CDC42BPA: variants seen among roughly 807,000 people sequenced by gnomAD.
The protein encoded by CDC42BPA is serine/threonine-protein kinase MRCK alpha.
Under a neutral mutation model 223.5 loss-of-function variants are expected in CDC42BPA, and 80 were observed. That is an observed-to-expected ratio of 0.36 (90% CI 0.30 to 0.43). The LOEUF (loss-of-function observed/expected upper bound fraction) is 0.43, where lower values mean the gene tolerates loss of function less well. CDC42BPA is among the 20% of genes least tolerant of loss of function. The pLI is 1.00. For missense variants in CDC42BPA, 1,743 were observed against 2,099.9 expected (o/e 0.83, Z 3.32); for synonymous variants, 694 against 718.6 (o/e 0.97, Z 0.55).
At chr1:227,103,522 G>T (rs1323680699) in intron 14 of CDC42BPA, among the ~76,000 whole-genome samples, 1 of 151,974 alleles carries the variant, frequency 6.6e-6, no homozygotes, top group Non-Finnish European at 1.5e-5. Flanking sequence ...AGATAGAAGG[G>T]CATGGAGACA....
At chr1:227,222,260 G>A (rs1044478931) in intron 2 of CDC42BPA, among the ~76,000 whole-genome samples, 1 of 151,486 alleles carries the variant, frequency 6.6e-6, no homozygotes, top group African/African-American at 2.4e-5. Context: ...TGTAATCCCA[G>A]CACTTTGGGA....
At chr1:227,151,673 G>A (rs555680666) in intron 6 of CDC42BPA, among the ~76,000 whole-genome samples, 1 of 152,214 alleles carries the variant, frequency 6.6e-6, no homozygotes, top group South Asian at 2.1e-4. Context: ...CTGAGTGTGA[G>A]ATGGTGTATC....
At chr1:227,063,455 A>G (rs1676348442) in intron 21 of CDC42BPA, among the ~76,000 whole-genome samples, 5 of 152,138 alleles carry the variant, frequency 3.3e-5, no homozygotes, top group Admixed American at 2.0e-4. Flanking sequence ...TTAATAAAAT[A>G]CCAAAGAAGA....
chr1:227,285,861 A>T (rs1322152176), intron 1 of CDC42BPA, among the ~76,000 whole-genome samples: 1 of 152,212 alleles, frequency 6.6e-6, no homozygotes, highest in East Asian at 1.9e-4. Flanking sequence ...AAAGAAAAAA[A>T]AAATCACAAT....
chr1:227,239,370 C>G (rs1454581916), intron 2 of CDC42BPA, among the ~76,000 whole-genome samples: 1 of 152,124 alleles, frequency 6.6e-6, no homozygotes, highest in Non-Finnish European at 1.5e-5. Flanking sequence ...TTTGTCAAAA[C>G]CCACTGAACG....
intron 8 of CDC42BPA, among the ~76,000 whole-genome samples, chr1:227,144,574 CAAAAAAAAAAAAAAAAAAAA>C (rs57568297): frequency 1.6e-4 from 10 of 63,478 alleles, no homozygotes; most frequent in African/African-American, 6.3e-4. Context: ...GACTCTGTCT[CAAAAAAAAAAAAAAAAAAAA>C]AAAAAAAAAA....
chr1:227,257,948 T>C lies in CDC42BPA; in HGVS notation c.179-3793A>G, dbSNP rs182303573. On this transcript the variant is annotated intron_variant, in intron 1 of 36. Transcript: ENST00000366766. Reference sequence around the variant, plus strand: ...ACTTTGGGAGGCCAAAGCAGACGGATTGCTTGAGTCTAAGAGTTCAAGACC... The same window carrying C: ...ACTTTGGGAGGCCAAAGCAGACGGACTGCTTGAGTCTAAGAGTTCAAGACC... 9.0e-4 allele frequency among the ~76,000 whole-genome samples: 135 copies of C among 150,652 alleles called. 8 individuals carry two copies. Among genetic ancestry groups the C allele is most frequent in the African/African-American group, 3.2e-3 (128 of 40,148 alleles).
chr1:227,296,624 T>A (rs900351005), intron 1 of CDC42BPA, among the ~76,000 whole-genome samples: 2 of 149,108 alleles, frequency 1.3e-5, no homozygotes, highest in African/African-American at 5.0e-5. Context: ...GAAAATCGCT[T>A]GAACTCAGGA....
At chr1:227,310,675 T>A (rs896247140) in intron 1 of CDC42BPA, among the ~76,000 whole-genome samples, 1 of 88,440 alleles carries the variant, frequency 1.1e-5, no homozygotes, top group Non-Finnish European at 2.5e-5. Flanking sequence ...TGGAAAGGAG[T>A]TTTTTTTTTT....
At chr1:227,254,979 T>C (rs1404286279) in intron 1 of CDC42BPA, among the ~76,000 whole-genome samples, 3 of 152,126 alleles carry the variant, frequency 2.0e-5, no homozygotes, top group African/African-American at 7.2e-5. Flanking sequence ...TAATCCATGG[T>C]AAAGAATTGT....
At chr1:227,079,927 A>G (rs1328272730) in intron 17 of CDC42BPA, among the ~76,000 whole-genome samples, 1 of 140,654 alleles carries the variant, frequency 7.1e-6, no homozygotes, top group Non-Finnish European at 1.6e-5. Context: ...GGGACCCAAG[A>G]CAAAACACAA....
At chr1:227,162,318 C>T (rs1342153428) in intron 5 of CDC42BPA, among the ~76,000 whole-genome samples, 1 of 151,754 alleles carries the variant, frequency 6.6e-6, no homozygotes, top group African/African-American at 2.4e-5. Flanking sequence ...TACTGAAAAA[C>T]ATAAGTATTC....
chr1:227,164,172 C>T (rs900162458), intron 5 of CDC42BPA, among the ~76,000 whole-genome samples: 10 of 152,276 alleles, frequency 6.6e-5, no homozygotes, highest in African/African-American at 2.4e-4. Flanking sequence ...CCACCCTATC[C>T]ATATGCCTCT....
At chr1:227,107,343 C>CA (rs1686106477) in intron 14 of CDC42BPA, among the ~76,000 whole-genome samples, 1 of 152,146 alleles carries the variant, frequency 6.6e-6, no homozygotes, top group Non-Finnish European at 1.5e-5. Context: ...GTTCGTGCTG[C>CA]CTTATAGAAA....
At position 227,052,001 on chromosome 1, in the gene CDC42BPA, G is replaced by A. The variant is rs56176301; in HGVS notation, c.2905-16C>T. On this transcript the variant is annotated splice_polypyrimidine_tract_variant and intron_variant, in intron 21 of 36. Transcript: ENST00000366766. ...CGGGATCAGTCTAGGAAAATAAGTCGGGAAAAATAAAAACCCAAAAAATCA... is the reference window on the plus strand; with the variant it reads ...CGGGATCAGTCTAGGAAAATAAGTCAGGAAAAATAAAAACCCAAAAAATCA... The A allele has an allele frequency of 0.047, 64,295 of 1,354,278 alleles. 1,697 individuals carry two copies. The highest frequency in any genetic ancestry group is 0.054 in the Non-Finnish European group (54,271 of 1,011,034). The allele number at this position is 1,354,278 out of a possible 1,614,324, so 83.9% of individuals were successfully genotyped here.
chr1:227,304,395 G>T (rs1333801402), intron 1 of CDC42BPA, among the ~76,000 whole-genome samples: 1 of 144,428 alleles, frequency 6.9e-6, no homozygotes, highest in African/African-American at 2.6e-5. Flanking sequence ...AACAAAGCAA[G>T]ATTCTATCTC....
At chr1:227,292,739 A>C (rs939801070) in intron 1 of CDC42BPA, among the ~76,000 whole-genome samples, 17 of 152,186 alleles carry the variant, frequency 1.1e-4, no homozygotes, top group African/African-American at 3.9e-4. Context: ...TGTCTTACTC[A>C]CCTACCTTCC....
chr1:227,138,511 G>C (rs1659055557), intron 10 of CDC42BPA, among the ~76,000 whole-genome samples: 1 of 62,002 alleles, frequency 1.6e-5, no homozygotes, highest in Admixed American at 2.0e-4. Flanking sequence ...AGGAGATAAA[G>C]TGCCCCAGAA....
chr1:227,167,948 G>T (rs562191577), intron 5 of CDC42BPA, among the ~76,000 whole-genome samples: 3 of 149,022 alleles, frequency 2.0e-5, no homozygotes, highest in African/African-American at 7.5e-5. Flanking sequence ...TTTTTTAGAC[G>T]GAGTCTCACT....
Sources: gnomAD v4.1 joint callset for allele counts (sites outside exome capture counted in the v4.1 genomes callset) on GRCh38, gnomAD v4.1.1 for gene constraint, MANE v1.5 for transcripts, NCBI Gene and HGNC (gene_info 2026-07-23, HGNC 2026-07-21) for gene names.